The following CERS1 variants were observed in gnomAD, a reference collection of about 807,000 sequenced individuals.
CERS1 encodes ceramide synthase 1.
Under a neutral mutation model 35.7 loss-of-function variants are expected in CERS1, and 16 were observed. The ratio of observed to expected loss-of-function variants is 0.45; its 90% confidence interval spans 0.30 to 0.68. The LOEUF (loss-of-function observed/expected upper bound fraction) is 0.68. Among genes scored for constraint, CERS1 ranks in the 30% least tolerant of loss-of-function variants. The pLI, the probability that CERS1 is intolerant of heterozygous loss-of-function variation, is 0.08. For missense variants in CERS1, 454 were observed against 453.9 expected (o/e 1.00, Z 0.00); for synonymous variants, 243 against 201.6 (o/e 1.21, Z -1.74).
chr19:18,894,818 C>T (rs913997944), intron 1 of CERS1, among the ~76,000 whole-genome samples: 2 of 152,148 alleles, frequency 1.3e-5, no homozygotes, highest in Admixed American at 6.5e-5. Context: ...CAAGGGCCAG[C>T]CTCTTCCCGG....
intron 2 of CERS1, among the ~76,000 whole-genome samples, chr19:18,892,627 C>A (rs548279875): frequency 7.2e-4 from 110 of 151,964 alleles, no homozygotes; most frequent in African/African-American, 2.6e-3. Context: ...AAAAGAAAAA[C>A]AACCACATCC....
chr19:18,872,168 G>A (rs1335269827), intron 6 of CERS1, among the ~76,000 whole-genome samples: 2 of 152,156 alleles, frequency 1.3e-5, no homozygotes, highest in African/African-American at 2.4e-5. Flanking sequence ...CTCGGTGATG[G>A]GTGCCCCCGC....
intron 2 of CERS1, among the ~76,000 whole-genome samples, chr19:18,888,729 C>CTGAG (rs2056421800): frequency 6.6e-6 from 1 of 151,504 alleles, no homozygotes; most frequent in Non-Finnish European, 1.5e-5. Context: ...ACTCCGGAGG[C>CTGAG]TGAGGCAGGA....
At chr19:18,873,854 A>AAG in intron 6 of CERS1, among the ~76,000 whole-genome samples, 1 of 151,434 alleles carries the variant, frequency 6.6e-6, no homozygotes, top group Admixed American at 6.6e-5. Flanking sequence ...AAAAAAAAAA[A>AAG]AAGAAGAAGA....
At chr19:18,869,479 C>A in intron 7 of CERS1, 89 bp from the exon 8 acceptor site, 1 of 1,372,860 alleles carries the variant, frequency 7.3e-7, no homozygotes, top group South Asian at 1.3e-5. Context: ...AAGGTGAACG[C>A]TGGGGCTCGG....
At position 18,895,425 on chromosome 19, in the gene CERS1, C is replaced by T. The variant is rs2056601337; in HGVS notation, c.249+399G>A. Among the ~76,000 whole-genome samples the T allele has an allele frequency of 6.6e-6, 1 of 152,154 alleles. No homozygotes were observed. Among genetic ancestry groups the T allele is most frequent in the African/African-American group, 2.4e-5 (1 of 41,440 alleles). ...TTCTCAGTGTCTGGCTCGGCCCTGC[C>T]GGAAAGAGCGCGCGGTGGCCGGAGC... is the stretch of plus-strand genomic sequence containing the variant. On this transcript the variant is annotated intron_variant, in intron 1 of 7. Transcript: ENST00000623882. This position sits in a 1 kb window ranked among gnomAD's most constrained non-coding sequence, Gnocchi z 6.4.
At chr19:18,884,988 T>C (rs1334611605) in intron 2 of CERS1, among the ~76,000 whole-genome samples, 2 of 152,106 alleles carry the variant, frequency 1.3e-5, no homozygotes, top group African/African-American at 2.4e-5. Context: ...AGTGCTGGGA[T>C]TACAGGCGTG....
intron 2 of CERS1, among the ~76,000 whole-genome samples, chr19:18,886,157 G>C (rs190792641): frequency 4.0e-5 from 6 of 150,602 alleles, no homozygotes; most frequent in Non-Finnish European, 2.9e-5. Flanking sequence ...TGTAATCCCA[G>C]CATTTTGAGA....
rs756555481 is a variant in CERS1, at chr19:18,880,420, G to A, written c.606C>T (p.Gly202=). The A allele has an allele frequency of 4.4e-6, 7 of 1,587,498 alleles. No homozygotes were observed. Among genetic ancestry groups the A allele is most frequent in the South Asian group, 2.3e-5 (2 of 87,302 alleles). ...SSYAFRYHNV[G]ILVLFLHDIS... ...TATCGTGCAGGAAGAGCACAAGGAT[G>A]CCCACATTGTGGTACCTGGGGGAGC... Residue 202 remains glycine (G), a synonymous_variant, in exon 4 of 8, where the codon GGC becomes GGT. Transcript: ENST00000623882.
At chr19:18,880,527 C>A (rs2056178888) in intron 3 of CERS1, 92 bp from the exon 4 acceptor site, 6 of 1,291,418 alleles carry the variant, frequency 4.6e-6, no homozygotes, top group Non-Finnish European at 6.3e-6. Flanking sequence ...CTGGGCTACA[C>A]CTCAGGCTCC....
intron 2 of CERS1, 59 bp from the exon 3 acceptor site, chr19:18,884,326 A>G: frequency 6.6e-7 from 1 of 1,508,216 alleles, no homozygotes; most frequent in Non-Finnish European, 8.9e-7. Flanking sequence ...GATCGCCTCC[A>G]TGACCCGGTG....
Position 18,880,437 on chromosome 19 carries a change from T to C in CERS1, c.591-2A>G. 6.3e-7 allele frequency: 1 copy of C among 1,579,074 alleles called. No individual in the cohort carries two copies. Among genetic ancestry groups the C allele is most frequent in the Non-Finnish European group, 8.6e-7 (1 of 1,159,836 alleles). On this transcript the variant is annotated splice_acceptor_variant, in intron 3 of 7. Transcript: ENST00000623882. LOFTEE classifies it high-confidence loss of function. ...ACAAGGATGCCCACATTGTGGTACC[T>C]GGGGGAGCAGCAGGCAGAGAGGAGA...
intron 2 of CERS1, among the ~76,000 whole-genome samples, chr19:18,891,898 T>TC (rs2056500413): frequency 6.7e-6 from 1 of 148,944 alleles, no homozygotes; most frequent in South Asian, 2.1e-4. Context: ...TTCTCATCTT[T>TC]TTTTTTTTTT....
Position 18,870,054 on chromosome 19 carries a change from A to G in CERS1, c.*523T>C. On this transcript the variant is annotated 3_prime_UTR_variant, in exon 7 of 8. Coordinates refer to ENST00000623882, the MANE Select transcript of CERS1 (RefSeq NM_021267.5). This position sits in a 1 kb window ranked among gnomAD's most constrained non-coding sequence, Gnocchi z 5.1. The stretch of plus-strand genomic sequence containing the variant: ...CTCCACGTGGCACGGTTGCAGGGTG[A>G]CCCCTGGGGACGTCCGCCGCGAGCC... The G allele has an allele frequency of 6.3e-7, 1 of 1,585,918 alleles. No homozygotes were observed. The highest frequency in any genetic ancestry group is 1.1e-5 in the South Asian group (1 of 87,962).
At chr19:18,889,502 G>A (rs531376863) in intron 2 of CERS1, among the ~76,000 whole-genome samples, 34 of 152,228 alleles carry the variant, frequency 2.2e-4, no homozygotes, top group African/African-American at 7.9e-4. Context: ...CTGCAGCCTC[G>A]ACCTCCCGGG....
intron 6 of CERS1, among the ~76,000 whole-genome samples, chr19:18,873,876 C>T (rs1194794888): frequency 2.0e-5 from 3 of 150,330 alleles, no homozygotes; most frequent in African/African-American, 4.9e-5. Flanking sequence ...GGGGAGGGGA[C>T]TCTCTGGGGT....
intron 6 of CERS1, among the ~76,000 whole-genome samples, chr19:18,872,515 ATTTTT>A (rs1006396798): frequency 7.9e-6 from 1 of 125,872 alleles, no homozygotes; most frequent in African/African-American, 3.0e-5. Flanking sequence ...GCCCGGGGTA[ATTTTT>A]TTTTTTTTTT....
At chr19:18,876,173 A>T (rs1262435815) in intron 6 of CERS1, among the ~76,000 whole-genome samples, 3 of 151,924 alleles carry the variant, frequency 2.0e-5, no homozygotes. Context: ...TTTAGTAGAG[A>T]TGGGGTTTCA....
rs200107216 is a variant in CERS1, at chr19:18,884,248, T to C, written c.429A>G (p.Ala143=). The C allele has an allele frequency of 2.0e-4, 327 of 1,612,910 alleles. 1 individual carries two copies. In the African/African-American group the frequency reaches 3.3e-3, roughly 16 times the overall value. The change falls in exon 3 of 8, where the codon GCA becomes GCG. Residue 143 remains alanine (A), a synonymous_variant. Coordinates refer to ENST00000623882, the MANE Select transcript of CERS1 (RefSeq NM_021267.5). ...SVFYDWTPGM[A]VPRDIAAAYL... ...AGGCGGCTGCAATGTCCCGTGGCACTGCCATGCCCGGCGTCCAGTCTGGGG... is the reference window on the plus strand; with the variant it reads ...AGGCGGCTGCAATGTCCCGTGGCACCGCCATGCCCGGCGTCCAGTCTGGGG...
Sources: gnomAD v4.1 joint callset for allele counts (sites outside exome capture counted in the v4.1 genomes callset) on GRCh38, gnomAD v4.1.1 for gene constraint, Gnocchi (gnomAD v3.1) non-coding constraint, MANE v1.5 for transcripts, NCBI Gene and HGNC (gene_info 2026-07-23, HGNC 2026-07-21) for gene names.